PCDH15: variants seen among roughly 807,000 people sequenced by gnomAD.
PCDH15 encodes the protein protocadherin-15.
Under a neutral mutation model 178.5 loss-of-function variants are expected in PCDH15, and 129 were observed. The observed-to-expected ratio is 0.72, with a 90% CI of 0.63 to 0.84. The LOEUF (loss-of-function observed/expected upper bound fraction) is 0.84, where lower values mean the gene tolerates loss of function less well. Among genes scored for constraint, PCDH15 ranks in the 40% least tolerant of loss-of-function variants. The pLI, the probability that PCDH15 is intolerant of heterozygous loss-of-function variation, is 0.00. For missense variants in PCDH15, 2,230 were observed against 2,099.9 expected (o/e 1.06, Z -1.21); for synonymous variants, 800 against 732.0 (o/e 1.09, Z -1.50).
At chr10:54,381,492 C>T (rs1565134406) in intron 3 of PCDH15, among the ~76,000 whole-genome samples, 1 of 152,082 alleles carries the variant, frequency 6.6e-6, no homozygotes, top group Non-Finnish European at 1.5e-5. Flanking sequence ...AAACCTTTTG[C>T]TTAATGTGTT....
intron 1 of PCDH15, among the ~76,000 whole-genome samples, chr10:54,706,646 C>T (rs897901181): frequency 1.3e-5 from 2 of 152,148 alleles, no homozygotes; most frequent in African/African-American, 2.4e-5. Context: ...TTTTTCAATA[C>T]GGTGTCTCGC....
chr10:55,369,010 C>CAAAAAAAAAAAAAAAAAAAA (rs60906060), intron 2 of PCDH15, among the ~76,000 whole-genome samples: 1 of 86,184 alleles, frequency 1.2e-5, no homozygotes, highest in African/African-American at 4.4e-5. Context: ...TTTTTGGGAC[C>CAAAAAAAAAAAAAAAAAAAA]AAAAAAAAAA....
At chr10:54,945,303 G>A (rs974610528) in intron 2 of PCDH15, among the ~76,000 whole-genome samples, 6 of 151,372 alleles carry the variant, frequency 4.0e-5, no homozygotes, top group African/African-American at 1.5e-4. Flanking sequence ...TTAAGAGATA[G>A]GTGCAGATAG....
chr10:55,605,567 C>T (rs1192042786), intron 2 of PCDH15, among the ~76,000 whole-genome samples: 1 of 150,620 alleles, frequency 6.6e-6, no homozygotes, highest in Non-Finnish European at 1.5e-5. Context: ...TGGGCTTCAT[C>T]CCTGGGATGC....
At chr10:55,264,108 A>T (rs1210910994) in intron 1 of PCDH15, among the ~76,000 whole-genome samples, 1 of 151,960 alleles carries the variant, frequency 6.6e-6, no homozygotes, top group East Asian at 1.9e-4. Flanking sequence ...TGCAGGAGTG[A>T]CCCCTGCTGG....
In PCDH15 at chr10:55,308,873, T is replaced by G. The variant is rs537309483; in HGVS notation, c.-156+10726A>C. 1.8e-4 allele frequency among the ~76,000 whole-genome samples: 27 copies of G among 152,290 alleles called. 1 individual carries two copies. The South Asian group carries it at 5.4e-3, about 30-fold the overall frequency. ...ACACAGTTTCAAAGGTAAGCTATTT[T>G]GAACTTGTGGCCATGTTCAATTTGG... On this transcript the variant is annotated intron_variant, in intron 1 of 5. Coordinates refer to the PCDH15 transcript ENST00000458638.
Position 55,143,074 on chromosome 10 carries a change from T to TGCTCGC in PCDH15, c.-80+23496_-80+23501dup, listed in dbSNP as rs1055123604. Reference sequence around the variant, plus strand: ...TGATTTTAAAGTGTGGCACTTCCCCTGCTCGCGCTCGCGCTCTCTCTCTCT... The same window carrying TGCTCGC: ...TGATTTTAAAGTGTGGCACTTCCCCTGCTCGCGCTCGCGCTCGCGCTCTCTCTCTCT... On this transcript the variant is annotated intron_variant, in intron 2 of 5. Transcript: ENST00000458638. 5.2e-4 allele frequency among the ~76,000 whole-genome samples: 79 copies of TGCTCGC among 152,216 alleles called. No homozygotes were observed. The South Asian group carries it at 0.011, about 22-fold the overall frequency.
At chr10:53,889,202 A>G (rs2133453734) in intron 26 of PCDH15, among the ~76,000 whole-genome samples, 1 of 152,168 alleles carries the variant, frequency 6.6e-6, no homozygotes, top group South Asian at 2.1e-4. Flanking sequence ...CTCAACATGA[A>G]AAAATAATAA....
chr10:54,636,772 T>C (rs1005847605), intron 2 of PCDH15, among the ~76,000 whole-genome samples: 3 of 151,956 alleles, frequency 2.0e-5, no homozygotes, highest in Admixed American at 2.0e-4. Flanking sequence ...ATCTATAAAA[T>C]ATAACATTGT....
intron 1 of PCDH15, among the ~76,000 whole-genome samples, chr10:55,182,721 C>A (rs116380077): frequency 6.6e-6 from 1 of 151,854 alleles, no homozygotes; most frequent in Non-Finnish European, 1.5e-5. Context: ...CATAGCAGCA[C>A]AAAGTCTATG....
intron 2 of PCDH15, among the ~76,000 whole-genome samples, chr10:54,556,176 C>T (rs554707990): frequency 1.3e-5 from 2 of 152,258 alleles, no homozygotes; most frequent in South Asian, 4.1e-4. Context: ...TTCCATGCTA[C>T]CTGAGATTAT....
chr10:54,843,690 A>C (rs1953457130), intron 3 of PCDH15, among the ~76,000 whole-genome samples: 1 of 152,062 alleles, frequency 6.6e-6, no homozygotes, highest in Non-Finnish European at 1.5e-5. Flanking sequence ...TAATTTGACG[A>C]TTGTTAACAT....
chr10:54,011,499 A>G (rs2092585072), intron 20 of PCDH15, among the ~76,000 whole-genome samples: 2 of 152,196 alleles, frequency 1.3e-5, no homozygotes, highest in Non-Finnish European at 2.9e-5. Context: ...TACAATGTGT[A>G]GCCTGGGAGT....
Position 54,980,360 on chromosome 10 carries a change from T to C in PCDH15, c.-79-82860A>G, listed in dbSNP as rs572049699. ...CTAATGAAAAGAGAGTAAATACTCTTTTTTTAATTAAAAAATATCACCAGG... is the reference window on the plus strand; with the variant it reads ...CTAATGAAAAGAGAGTAAATACTCTCTTTTTAATTAAAAAATATCACCAGG... On this transcript the variant is annotated intron_variant, in intron 2 of 5. Coordinates refer to the PCDH15 transcript ENST00000458638. Among the ~76,000 whole-genome samples, 4 of 152,272 alleles carry C rather than the reference T, an allele frequency of 2.6e-5. No homozygotes were observed. In the South Asian group the frequency reaches 6.2e-4, roughly 24 times the overall value.
At chr10:55,448,996 T>C (rs1839376233) in intron 2 of PCDH15, among the ~76,000 whole-genome samples, 1 of 152,040 alleles carries the variant, frequency 6.6e-6, no homozygotes, top group South Asian at 2.1e-4. Flanking sequence ...ATCTCATACT[T>C]TATATTTAAT....
At chr10:54,126,805 G>A (rs1229057105) in intron 15 of PCDH15, among the ~76,000 whole-genome samples, 3 of 151,958 alleles carry the variant, frequency 2.0e-5, no homozygotes, top group Non-Finnish European at 2.9e-5. Context: ...TGTAGGTTTT[G>A]TGGTTCACAT....
At chr10:54,556,898 G>A (rs2087354986) in intron 2 of PCDH15, among the ~76,000 whole-genome samples, 1 of 151,890 alleles carries the variant, frequency 6.6e-6, no homozygotes, top group Non-Finnish European at 1.5e-5. Context: ...TTGGGGGTGG[G>A]AGGAGTAGGA....
intron 6 of PCDH15, among the ~76,000 whole-genome samples, chr10:54,336,761 A>C (rs1178470610): frequency 2.0e-5 from 3 of 152,206 alleles, no homozygotes; most frequent in Non-Finnish European, 4.4e-5. Context: ...GTCCCCACAA[A>C]GAGTTGCCAC....
At chr10:55,324,547 C>T (rs934337524), upstream of PCDH15, among the ~76,000 whole-genome samples, 1 of 152,080 alleles carries the variant, frequency 6.6e-6, no homozygotes, top group African/African-American at 2.4e-5. Flanking sequence ...AATAGGCATG[C>T]ACCCAACACA....
Sources: allele counts gnomAD v4.1 joint callset (sites outside exome capture counted in the v4.1 genomes callset), GRCh38; gene constraint gnomAD v4.1.1; transcripts MANE v1.5; gene names NCBI Gene and HGNC (gene_info 2026-07-23, HGNC 2026-07-21).